The following ROBO2 variants were observed in gnomAD, a reference collection of about 807,000 sequenced individuals.
ROBO2 encodes roundabout homolog 2.
In ROBO2, 53 loss-of-function variants were observed where a neutral mutation model predicts 160.8. The ratio of observed to expected loss-of-function variants is 0.33; its 90% confidence interval spans 0.26 to 0.41. ROBO2 has a LOEUF of 0.41. Among genes scored for constraint, ROBO2 ranks in the 10% least tolerant of loss-of-function variants. ROBO2 has a pLI of 1.00. For synonymous variants in ROBO2, 664 were observed against 611.7 expected (o/e 1.09, Z -1.26); for missense variants, 1,577 against 1,722.4 (o/e 0.92, Z 1.49).
intron 2 of ROBO2, among the ~76,000 whole-genome samples, chr3:77,334,305 C>T (rs2028512): frequency 0.57 from 86,585 of 152,048 alleles, 26,665 homozygotes; most frequent in Non-Finnish European, 0.7. Flanking sequence ...GCACTGCTGA[C>T]CTATATAAAG....
chr3:76,479,271 T>G (rs2079090037), intron 2 of ROBO2, among the ~76,000 whole-genome samples: 2 of 152,196 alleles, frequency 1.3e-5, no homozygotes, highest in African/African-American at 4.8e-5. Flanking sequence ...TCATAAAATA[T>G]TGCCATCTGC....
intron 2 of ROBO2, among the ~76,000 whole-genome samples, chr3:77,242,251 A>G (rs1001851760): frequency 6.6e-6 from 1 of 152,162 alleles, no homozygotes; most frequent in African/African-American, 2.4e-5. Flanking sequence ...AGGCAGAATC[A>G]TGGCTTTTGG....
chr3:76,647,151 G>A (rs2091011157), intron 2 of ROBO2, among the ~76,000 whole-genome samples: 1 of 152,168 alleles, frequency 6.6e-6, no homozygotes, highest in African/African-American at 2.4e-5. Context: ...GTCGCATGGG[G>A]TGGGACCCAG....
chr3:77,324,546 G>C (rs1376596794), intron 2 of ROBO2, among the ~76,000 whole-genome samples: 1 of 152,086 alleles, frequency 6.6e-6, no homozygotes, highest in Non-Finnish European at 1.5e-5. Flanking sequence ...TTGGGAGGCC[G>C]AGGCGGGCGG....
chr3:77,147,990 C>G (rs780512401), intron 2 of ROBO2, among the ~76,000 whole-genome samples: 14 of 152,184 alleles, frequency 9.2e-5, no homozygotes, highest in Admixed American at 2.6e-4. Flanking sequence ...AATGAGCAGC[C>G]TTGAACTTTG....
intron 2 of ROBO2, among the ~76,000 whole-genome samples, chr3:76,609,504 A>ATT (rs143067153): frequency 1.4e-5 from 2 of 147,272 alleles, no homozygotes; most frequent in African/African-American, 5.0e-5. Context: ...TTGCTCTTCG[A>ATT]TTTTTTTTTT....
intron 2 of ROBO2, among the ~76,000 whole-genome samples, chr3:77,003,827 G>A (rs1442319567): frequency 2.6e-5 from 4 of 152,094 alleles, no homozygotes; most frequent in Non-Finnish European, 5.9e-5. Context: ...TTACTGGTGT[G>A]AGCCACCACG....
chr3:77,048,161 T>C (rs4074163), intron 1 of ROBO2, among the ~76,000 whole-genome samples: 79,825 of 152,156 alleles, frequency 0.52, 23,373 homozygotes, highest in Non-Finnish European at 0.67. Flanking sequence ...CTGCCTAGTA[T>C]GAACAAGGAA....
chr3:77,632,657 G>T, intron 23 of ROBO2: 2 of 1,532,752 alleles, frequency 1.3e-6, no homozygotes, highest in Non-Finnish European at 1.7e-6. Context: ...ACAAGAACAG[G>T]TTGGTAGACT....
chr3:77,350,980 T>G (rs2068267077), intron 2 of ROBO2, among the ~76,000 whole-genome samples: 1 of 152,248 alleles, frequency 6.6e-6, no homozygotes. Context: ...CTTGCATGTA[T>G]GCATTTCTAT....
chr3:76,670,097 ACT>A (rs1446008960), intron 2 of ROBO2, among the ~76,000 whole-genome samples: 3 of 152,000 alleles, frequency 2.0e-5, no homozygotes, highest in Non-Finnish European at 4.4e-5. Context: ...TGATTTGATA[ACT>A]CTCATTTGTT....
chr3:76,354,392 C>A (rs756472663), intron 2 of ROBO2, among the ~76,000 whole-genome samples: 5 of 151,756 alleles, frequency 3.3e-5, no homozygotes, highest in Admixed American at 1.3e-4. Context: ...TAGAGTAAGT[C>A]CTTAACAAAA....
intron 6 of ROBO2, among the ~76,000 whole-genome samples, chr3:77,543,562 A>T (rs900612900): frequency 5.9e-5 from 9 of 152,190 alleles, no homozygotes; most frequent in South Asian, 4.1e-4. Context: ...CAAAAGTTTG[A>T]AAATTAAATT....
chr3:77,372,569 T>C (rs946828097), intron 2 of ROBO2, among the ~76,000 whole-genome samples: 3 of 152,164 alleles, frequency 2.0e-5, no homozygotes, highest in African/African-American at 7.2e-5. Context: ...ACTGAGTTGC[T>C]TAAAGTCATA....
At chr3:77,302,582 T>A (rs558010278) in intron 2 of ROBO2, among the ~76,000 whole-genome samples, 1 of 152,206 alleles carries the variant, frequency 6.6e-6, no homozygotes, top group Admixed American at 6.5e-5. Flanking sequence ...GTTATACTGA[T>A]GTGGACACCA....
At chr3:76,105,215 A>G (rs1315775713) in intron 2 of ROBO2, among the ~76,000 whole-genome samples, 1 of 152,142 alleles carries the variant, frequency 6.6e-6, no homozygotes, top group East Asian at 1.9e-4. Flanking sequence ...TGTTCTTTAT[A>G]AAAAATTGTT....
intron 2 of ROBO2, among the ~76,000 whole-genome samples, chr3:77,205,016 T>G (rs1320647151): frequency 2.0e-5 from 3 of 152,140 alleles, no homozygotes; most frequent in Admixed American, 1.3e-4. Flanking sequence ...GCGGGGCAAG[T>G]GCTCTGGGCT....
At chr3:77,188,968 TGA>T (rs1553828869) in intron 2 of ROBO2, among the ~76,000 whole-genome samples, 92 of 141,934 alleles carry the variant, frequency 6.5e-4, no homozygotes, top group Admixed American at 1.1e-3. Context: ...TGTGTGTGTG[TGA>T]GAGAGAGAGA....
intron 2 of ROBO2, among the ~76,000 whole-genome samples, chr3:76,786,567 A>T (rs188140639): frequency 6.6e-6 from 1 of 151,398 alleles, no homozygotes; most frequent in East Asian, 2.0e-4. Context: ...GGTGCTAAAC[A>T]ACTGGAAACC....
Sources: allele counts gnomAD v4.1 joint callset (sites outside exome capture counted in the v4.1 genomes callset), GRCh38; gene constraint gnomAD v4.1.1; transcripts MANE v1.5; gene names NCBI Gene and HGNC (gene_info 2026-07-23, HGNC 2026-07-21).